VAV2: variants seen among roughly 807,000 people sequenced by gnomAD.
VAV2 encodes guanine nucleotide exchange factor VAV2.
A neutral mutation model predicts 132.5 loss-of-function variants in VAV2; 67 were observed. The ratio of observed to expected loss-of-function variants is 0.51; its 90% CI spans 0.42 to 0.62. VAV2 has a LOEUF of 0.62. Among genes scored for constraint, VAV2 ranks in the 20% least tolerant of loss-of-function variants. The probability of loss-of-function intolerance (pLI) is 0.00; values close to 1 mark genes in which losing one functional copy is unlikely to be tolerated. For missense variants in VAV2, 938 were observed against 1,153.6 expected (o/e 0.81, Z 2.71); for synonymous variants, 492 against 443.5 (o/e 1.11, Z -1.37).
intron 2 of VAV2, among the ~76,000 whole-genome samples, chr9:133,938,387 G>A (rs895116686): frequency 4.6e-5 from 7 of 152,172 alleles, no homozygotes; most frequent in African/African-American, 7.2e-5. Flanking sequence ...GGCTCTGGAA[G>A]GCAGGTGGCC....
intron 2 of VAV2, among the ~76,000 whole-genome samples, chr9:133,902,765 C>T (rs569319372): frequency 1.3e-5 from 2 of 152,104 alleles, no homozygotes; most frequent in Non-Finnish European, 2.9e-5. Context: ...CAATATGACC[C>T]GTGTCCTTAT....
intron 2 of VAV2, among the ~76,000 whole-genome samples, chr9:133,914,184 C>A (rs1006752776): frequency 3.9e-5 from 6 of 152,152 alleles, no homozygotes; most frequent in African/African-American, 1.4e-4. Flanking sequence ...TGTCTCACAG[C>A]GGGCTAAGCA....
intron 4 of VAV2, among the ~76,000 whole-genome samples, chr9:133,818,802 C>A (rs919418750): frequency 6.6e-6 from 1 of 152,200 alleles, no homozygotes; most frequent in Non-Finnish European, 1.5e-5. Context: ...GACTCACTTT[C>A]TCCTGTTTCT....
intron 2 of VAV2, among the ~76,000 whole-genome samples, chr9:133,864,652 C>G (rs763986518): frequency 5.3e-5 from 8 of 152,242 alleles, no homozygotes; most frequent in Non-Finnish European, 1.2e-4. Flanking sequence ...GCCTGGGAAT[C>G]TGCATTTATA....
At chr9:133,958,981 T>TG (rs1841880836) in intron 1 of VAV2, among the ~76,000 whole-genome samples, 1 of 151,994 alleles carries the variant, frequency 6.6e-6, no homozygotes, top group Non-Finnish European at 1.5e-5. Flanking sequence ...GAGGAGGCGG[T>TG]GGGGGCCTCC....
At chr9:133,988,202 C>G (rs1050700755) in intron 1 of VAV2, among the ~76,000 whole-genome samples, 6 of 152,166 alleles carry the variant, frequency 3.9e-5, no homozygotes, top group African/African-American at 1.4e-4. Flanking sequence ...GGCCCTGCAA[C>G]TCACCAGCCA....
At chr9:133,870,004 AT>A (rs199576915) in intron 2 of VAV2, among the ~76,000 whole-genome samples, 6 of 151,380 alleles carry the variant, frequency 4.0e-5, no homozygotes, top group East Asian at 3.9e-4. Flanking sequence ...GTTATCCTTC[AT>A]TTTTTTTTCT....
In VAV2 at chr9:133,883,812, G is replaced by A. The variant is rs1042300663; in HGVS notation, c.322-22380C>T. Among the ~76,000 whole-genome samples, 1 of 152,204 alleles carries A rather than the reference G, an allele frequency of 6.6e-6. No homozygotes were observed. On this transcript the variant is annotated intron_variant, in intron 2 of 29. Coordinates refer to ENST00000371850, the MANE Select transcript of VAV2 (RefSeq NM_001134398.2). This position sits in a 1 kb window ranked among gnomAD's most constrained non-coding sequence, Gnocchi z 4.2. ...GTACACCCCAAAACTCACACTTGAG[G>A]TCCACAGGTGACTAGCAACTTTGCT...
chr9:133,777,701 C>A (rs1031322348), intron 22 of VAV2, among the ~76,000 whole-genome samples: 1 of 152,046 alleles, frequency 6.6e-6, no homozygotes, highest in African/African-American at 2.4e-5. Context: ...TCCACAAGGC[C>A]CCCCCAAGAA....
At chr9:133,789,861 G>C (rs1355820037) in intron 13 of VAV2, among the ~76,000 whole-genome samples, 1 of 152,258 alleles carries the variant, frequency 6.6e-6, no homozygotes, top group Non-Finnish European at 1.5e-5. Flanking sequence ...GATTCAGAGA[G>C]AGCTTCTCTT....
intron 2 of VAV2, among the ~76,000 whole-genome samples, chr9:133,875,307 C>T (rs899713120): frequency 3.9e-5 from 6 of 152,342 alleles, no homozygotes; most frequent in African/African-American, 1.4e-4. Context: ...CCTGGCTTCA[C>T]AGAGCCAACT....
chr9:133,980,270 C>G (rs1342771853), intron 1 of VAV2, among the ~76,000 whole-genome samples: 2 of 152,218 alleles, frequency 1.3e-5, no homozygotes, highest in Non-Finnish European at 2.9e-5. Context: ...GGCACGAGGC[C>G]TCAACCCCCA....
chr9:133,916,124 G>T (rs969230848), intron 2 of VAV2, among the ~76,000 whole-genome samples: 1 of 152,240 alleles, frequency 6.6e-6, no homozygotes, highest in Non-Finnish European at 1.5e-5. Flanking sequence ...GGCAGGAAAC[G>T]GGCACAGGCC....
At chr9:133,921,169 G>A (rs757702934) in intron 2 of VAV2, among the ~76,000 whole-genome samples, 2 of 152,172 alleles carry the variant, frequency 1.3e-5, no homozygotes, top group Non-Finnish European at 2.9e-5. Flanking sequence ...ACTTCCCTCC[G>A]CCTGCTGTCT....
At chr9:133,786,014 C>T (rs1343274207) in intron 16 of VAV2, 129 bp from the exon 17 acceptor site, 1 of 789,052 alleles carries the variant, frequency 1.3e-6, no homozygotes, top group Non-Finnish European at 2.1e-6. Flanking sequence ...GTGCCTGTGC[C>T]TGTGTGAACA....
chr9:133,987,831 C>T (rs1459578675), intron 1 of VAV2, among the ~76,000 whole-genome samples: 3 of 152,174 alleles, frequency 2.0e-5, no homozygotes, highest in Non-Finnish European at 1.5e-5. Context: ...ATTAAACCCA[C>T]GGGGCTTCCA....
At chr9:133,921,502 T>C (rs1479236408) in intron 2 of VAV2, among the ~76,000 whole-genome samples, 1 of 152,128 alleles carries the variant, frequency 6.6e-6, no homozygotes, top group African/African-American at 2.4e-5. Context: ...AGAAAGAAAG[T>C]TGTGTCTCAC....
rs1212857535 is a variant in VAV2 at position 133,834,390 on chromosome 9, C to A, written c.381-50G>T. On this transcript the variant is annotated intron_variant, in intron 3 of 29. Transcript: ENST00000371850. This position sits in a 1 kb window ranked among gnomAD's most constrained non-coding sequence, Gnocchi z 5.9. ...GGTGAGCAGGTCCCGGCACTGCCGG[C>A]CAGTGGGACCCCAGCTGGACCCCAC... 6.3e-7 allele frequency: 1 copy of A among 1,580,824 alleles called. No homozygotes were observed.
intron 2 of VAV2, among the ~76,000 whole-genome samples, chr9:133,914,329 G>C (rs981075149): frequency 1.3e-5 from 2 of 152,090 alleles, no homozygotes; most frequent in Non-Finnish European, 2.9e-5. Context: ...AATGTCCCCA[G>C]CAGTGATCTT....
Sources: gnomAD v4.1 joint callset for allele counts (sites outside exome capture counted in the v4.1 genomes callset) on GRCh38, gnomAD v4.1.1 for gene constraint, Gnocchi (gnomAD v3.1) non-coding constraint, MANE v1.5 for transcripts, NCBI Gene and HGNC (gene_info 2026-07-23, HGNC 2026-07-21) for gene names.